FOXP1: variants seen among roughly 807,000 people sequenced by gnomAD.
The protein encoded by FOXP1 is forkhead box P1.
Under a neutral mutation model 98.2 loss-of-function variants are expected in FOXP1, and 15 were observed. The ratio of observed to expected loss-of-function variants is 0.15; its 90% CI spans 0.10 to 0.24. The LOEUF is 0.24. Among genes scored for constraint, FOXP1 ranks in the 10% least tolerant of loss-of-function variants. The pLI is 1.00. For synonymous variants in FOXP1, 371 were observed against 314.5 expected (o/e 1.18, Z -1.90); for missense variants, 633 against 848.5 (o/e 0.75, Z 3.15).
chr3:71,368,964 C>T (rs539719613), intron 3 of FOXP1, among the ~76,000 whole-genome samples: 2 of 152,240 alleles, frequency 1.3e-5, no homozygotes, highest in East Asian at 1.9e-4. Flanking sequence ...GAGTGTATAC[C>T]GCATTAGGAT....
chr3:71,404,388 A>G (rs1220284123), intron 3 of FOXP1, among the ~76,000 whole-genome samples: 1 of 151,356 alleles, frequency 6.6e-6, no homozygotes, highest in South Asian at 2.1e-4. Context: ...CAGTCTCCCA[A>G]AGTGCTGGGA....
chr3:71,044,394 G>A (rs942769504), intron 10 of FOXP1, among the ~76,000 whole-genome samples: 2 of 152,168 alleles, frequency 1.3e-5, no homozygotes, highest in Non-Finnish European at 2.9e-5. Context: ...TGGTGCTAGG[G>A]AGGATGAGAT....
At chr3:71,436,152 A>T (rs55779916) in intron 3 of FOXP1, among the ~76,000 whole-genome samples, 2 of 151,670 alleles carry the variant, frequency 1.3e-5, no homozygotes, top group African/African-American at 4.9e-5. Context: ...ATATTTCCCA[A>T]ACTGTTCCTG....
chr3:71,064,719 A>C, intron 7 of FOXP1: 1 of 780,012 alleles, frequency 1.3e-6, no homozygotes, highest in Non-Finnish European at 1.6e-6. Flanking sequence ...CAACTTCAGA[A>C]CCCTCGGGCT....
intron 3 of FOXP1, among the ~76,000 whole-genome samples, chr3:71,416,526 C>G (rs977155086): frequency 6.7e-6 from 1 of 150,214 alleles, no homozygotes; most frequent in African/African-American, 2.5e-5. Flanking sequence ...GCCTGGGCCA[C>G]AGAACAAAAC....
intron 3 of FOXP1, among the ~76,000 whole-genome samples, chr3:71,428,277 C>T (rs560299035): frequency 8.5e-5 from 13 of 152,346 alleles, no homozygotes; most frequent in African/African-American, 3.1e-4. Flanking sequence ...ATTCTGGAAA[C>T]TGTGTCTCCT....
intron 5 of FOXP1, among the ~76,000 whole-genome samples, chr3:71,262,127 A>G (rs1427277296): frequency 6.6e-6 from 1 of 151,678 alleles, no homozygotes; most frequent in Non-Finnish European, 1.5e-5. Context: ...TTAGCTGGGC[A>G]TGGTGGCACG....
At chr3:71,434,631 G>GGTGT (rs55643841) in intron 3 of FOXP1, among the ~76,000 whole-genome samples, 63,862 of 142,106 alleles carry the variant, frequency 0.45, 15,992 homozygotes, top group Non-Finnish European at 0.58. Context: ...GAGGGGATGG[G>GGTGT]GTGTGTGTGT....
At chr3:71,579,547 C>T (rs975244263) in intron 2 of FOXP1, among the ~76,000 whole-genome samples, 4 of 151,958 alleles carry the variant, frequency 2.6e-5, no homozygotes, top group African/African-American at 9.7e-5. Context: ...CTGGAGACTG[C>T]TCTCTCTCGC....
At chr3:71,379,216 T>C (rs2079958044) in intron 3 of FOXP1, among the ~76,000 whole-genome samples, 1 of 152,052 alleles carries the variant, frequency 6.6e-6, no homozygotes, top group Non-Finnish European at 1.5e-5. Flanking sequence ...AACAACTGGG[T>C]AGAACAAGCA....
intron 2 of FOXP1, among the ~76,000 whole-genome samples, chr3:71,504,899 A>G (rs2041691965): frequency 6.6e-6 from 1 of 152,242 alleles, no homozygotes; most frequent in African/African-American, 2.4e-5. Context: ...TGCACTGCAC[A>G]TGAGGTACTC....
At chr3:71,493,721 G>A (rs1432067683) in intron 2 of FOXP1, among the ~76,000 whole-genome samples, 166 bp from the exon 3 acceptor site, 1 of 152,116 alleles carries the variant, frequency 6.6e-6, no homozygotes, top group South Asian at 2.1e-4. Flanking sequence ...ATATGAACCG[G>A]AAATACTGTT....
At chr3:71,266,485 C>G (rs1035503938) in intron 5 of FOXP1, among the ~76,000 whole-genome samples, 4 of 152,280 alleles carry the variant, frequency 2.6e-5, no homozygotes, top group South Asian at 2.1e-4. Context: ...CTCCTGACCT[C>G]AAGTGATCTG....
intron 4 of FOXP1, among the ~76,000 whole-genome samples, chr3:71,336,684 A>G (rs989126172): frequency 1.3e-5 from 2 of 152,264 alleles, no homozygotes; most frequent in African/African-American, 4.8e-5. Flanking sequence ...GAATTAGAAT[A>G]TCACCGTGTT....
chr3:71,312,612 C>G (rs1363055970), intron 4 of FOXP1, among the ~76,000 whole-genome samples: 3 of 152,196 alleles, frequency 2.0e-5, no homozygotes, highest in Admixed American at 1.3e-4. Flanking sequence ...TTGCTTGAGC[C>G]CAGGAATTCA....
At chr3:71,373,940 C>A (rs530530419) in intron 3 of FOXP1, among the ~76,000 whole-genome samples, 3 of 152,300 alleles carry the variant, frequency 2.0e-5, no homozygotes, top group African/African-American at 7.2e-5. Flanking sequence ...TTTCTATATA[C>A]TGCAGGAGGG....
intron 3 of FOXP1, among the ~76,000 whole-genome samples, chr3:71,407,062 A>G (rs2082398516): frequency 6.6e-6 from 1 of 152,108 alleles, no homozygotes; most frequent in Non-Finnish European, 1.5e-5. Context: ...TTCTAATTGG[A>G]TAGTCACAGG....
intron 4 of FOXP1, among the ~76,000 whole-genome samples, chr3:71,317,582 G>C (rs1345821095): frequency 1.3e-5 from 2 of 152,044 alleles, no homozygotes; most frequent in Admixed American, 1.3e-4. Context: ...TGCCTTTCAC[G>C]TGACTTAGTA....
At chr3:71,426,482 C>T (rs1227760093) in intron 3 of FOXP1, among the ~76,000 whole-genome samples, 1 of 152,032 alleles carries the variant, frequency 6.6e-6, no homozygotes, top group Non-Finnish European at 1.5e-5. Flanking sequence ...AATGAATGCA[C>T]AGGATAAGTA....
Sources: gnomAD v4.1 joint callset for allele counts (sites outside exome capture counted in the v4.1 genomes callset) on GRCh38, gnomAD v4.1.1 for gene constraint, MANE v1.5 for transcripts, NCBI Gene and HGNC (gene_info 2026-07-23, HGNC 2026-07-21) for gene names.